Variants in ROBO2 observed in about 807,000 individuals in gnomAD.
The protein encoded by ROBO2 is roundabout guidance receptor 2.
A neutral mutation model predicts 160.8 loss-of-function variants in ROBO2; 53 were observed. That is an observed-to-expected ratio of 0.33 (90% CI 0.26 to 0.41). The LOEUF (loss-of-function observed/expected upper bound fraction) is 0.41, where lower values mean the gene tolerates loss of function less well. Among genes scored for constraint, ROBO2 ranks in the 10% least tolerant of loss-of-function variants. ROBO2 has a pLI of 1.00. For missense variants in ROBO2, 1,577 were observed against 1,722.4 expected (o/e 0.92, Z 1.49); for synonymous variants, 664 against 611.7 (o/e 1.09, Z -1.26).
chr3:77,644,838 G>A (rs1235473067), exon 25 of ROBO2: 1 of 1,614,006 alleles, frequency 6.2e-7, no homozygotes, highest in Non-Finnish European at 8.5e-7. Flanking sequence ...CCAGCGCAAT[G>A]CCAGCGACCT....
chr3:77,390,463 A>G (rs77853355), intron 2 of ROBO2, among the ~76,000 whole-genome samples: 1 of 152,042 alleles, frequency 6.6e-6, no homozygotes, highest in Non-Finnish European at 1.5e-5. Flanking sequence ...GATAGTGAAT[A>G]AGTCTGATGA....
chr3:77,339,199 A>C (rs1308302230), intron 2 of ROBO2, among the ~76,000 whole-genome samples: 5 of 151,908 alleles, frequency 3.3e-5, no homozygotes, highest in Admixed American at 2.6e-4. Flanking sequence ...TTAATCATAG[A>C]TATATATATT....
At chr3:77,387,688 C>A (rs1402556420) in intron 2 of ROBO2, among the ~76,000 whole-genome samples, 1 of 152,008 alleles carries the variant, frequency 6.6e-6, no homozygotes, top group African/African-American at 2.4e-5. Context: ...ATCCGCCTTT[C>A]CTTTTGTTCC....
In ROBO2 at chr3:76,698,385, T is replaced by C. The variant is rs1004504355; in HGVS notation, c.110-399629T>C. ...AGTGAGGATAGTGACAGTGGTGTGT[T>C]TGGTAAATGTTTAATAGCTGGTCTC... is the stretch of plus-strand genomic sequence containing the variant. On this transcript the variant is annotated intron_variant, in intron 2 of 26. Coordinates refer to the ROBO2 transcript ENST00000487694. 3.3e-5 allele frequency among the ~76,000 whole-genome samples: 5 copies of C among 152,122 alleles called. No individual in the cohort carries two copies. The South Asian group carries it at 1.0e-3, about 32-fold the overall frequency.
chr3:77,644,593 A>G (rs2095392465), intron 24 of ROBO2, 111 bp from the exon 27 acceptor site: 14 of 939,618 alleles, frequency 1.5e-5, no homozygotes, highest in Non-Finnish European at 2.3e-5. Context: ...TAATTTTATT[A>G]AAGAATGAAA....
chr3:76,922,845 A>G (rs1244428315), intron 2 of ROBO2, among the ~76,000 whole-genome samples: 1 of 152,198 alleles, frequency 6.6e-6, no homozygotes, highest in East Asian at 1.9e-4. Flanking sequence ...CTTAGAAGCC[A>G]TGTATTGTTC....
chr3:77,179,215 C>T (rs535699695), intron 2 of ROBO2, among the ~76,000 whole-genome samples: 18 of 151,422 alleles, frequency 1.2e-4, no homozygotes, highest in East Asian at 9.8e-4. Context: ...GCCCTTCACG[C>T]GCTTAATAAT....
intron 2 of ROBO2, among the ~76,000 whole-genome samples, chr3:76,712,403 G>T (rs2093311530): frequency 6.6e-6 from 1 of 152,000 alleles, no homozygotes; most frequent in South Asian, 2.1e-4. Context: ...GGCCAGGCAT[G>T]GTGGCTCACA....
Position 76,028,090 on chromosome 3 carries a change from G to A in ROBO2, c.109+90488G>A, listed in dbSNP as rs961409309. ...AAGTTAGCTTTTAGATGGATGAAAT[G>A]TTCTTTCTTAGCTATGATTTTATTA... On this transcript the variant is annotated intron_variant, in intron 2 of 26. Transcript: ENST00000487694. Among the ~76,000 whole-genome samples the A allele has an allele frequency of 1.1e-4, 16 of 151,896 alleles. 1 individual carries two copies. The South Asian group carries it at 1.9e-3, about 18-fold the overall frequency.
intron 2 of ROBO2, among the ~76,000 whole-genome samples, chr3:76,318,914 A>C (rs997542787): frequency 6.6e-6 from 1 of 152,182 alleles, no homozygotes; most frequent in African/African-American, 2.4e-5. Context: ...GCCCAAGTCA[A>C]CTGAAGATTA....
chr3:77,134,552 C>T (rs2076121656), intron 2 of ROBO2, among the ~76,000 whole-genome samples: 1 of 152,156 alleles, frequency 6.6e-6, no homozygotes, highest in African/African-American at 2.4e-5. Context: ...AGTGTTGGCA[C>T]AGACACAGGC....
chr3:77,241,665 G>C (rs746778136), intron 2 of ROBO2, among the ~76,000 whole-genome samples: 1 of 152,114 alleles, frequency 6.6e-6, no homozygotes, highest in Non-Finnish European at 1.5e-5. Context: ...GAGAAAATTC[G>C]GGTGCAGACA....
At chr3:76,017,774 G>T (rs2066447247) in intron 2 of ROBO2, among the ~76,000 whole-genome samples, 1 of 151,978 alleles carries the variant, frequency 6.6e-6, no homozygotes, top group African/African-American at 2.4e-5. Flanking sequence ...ATAAAACATT[G>T]TCTTAAGTTC....
intron 2 of ROBO2, among the ~76,000 whole-genome samples, chr3:76,518,202 A>T (rs1265938650): frequency 1.3e-5 from 2 of 152,194 alleles, no homozygotes; most frequent in Non-Finnish European, 2.9e-5. Context: ...CACAAGAGGC[A>T]TGGAAGCGCA....
At chr3:76,995,976 T>C (rs1229635452) in intron 2 of ROBO2, among the ~76,000 whole-genome samples, 1 of 152,212 alleles carries the variant, frequency 6.6e-6, no homozygotes, top group Non-Finnish European at 1.5e-5. Flanking sequence ...TCTGTCAATT[T>C]TGGCTTTTGT....
chr3:76,366,210 C>T (rs1417090345), intron 2 of ROBO2, among the ~76,000 whole-genome samples: 1 of 152,042 alleles, frequency 6.6e-6, no homozygotes, highest in Non-Finnish European at 1.5e-5. Flanking sequence ...GAGAGATTTT[C>T]CCTGATTAAA....
At chr3:76,431,275 C>T (rs931434515) in intron 2 of ROBO2, among the ~76,000 whole-genome samples, 1 of 151,940 alleles carries the variant, frequency 6.6e-6, no homozygotes, top group Non-Finnish European at 1.5e-5. Context: ...ATATCCAACC[C>T]TTAGTAATTA....
intron 2 of ROBO2, among the ~76,000 whole-genome samples, chr3:77,320,747 G>C (rs1486647003): frequency 2.6e-5 from 4 of 152,076 alleles, no homozygotes; most frequent in Non-Finnish European, 5.9e-5. Flanking sequence ...CTTCCCTCTA[G>C]TGGCAAAAAC....
intron 2 of ROBO2, among the ~76,000 whole-genome samples, chr3:76,356,528 G>A (rs2075176137): frequency 6.6e-6 from 1 of 151,422 alleles, no homozygotes; most frequent in Non-Finnish European, 1.5e-5. Context: ...AATACTTCAA[G>A]CAGAATATCT....
Sources: allele counts gnomAD v4.1 joint callset (sites outside exome capture counted in the v4.1 genomes callset), GRCh38; gene constraint gnomAD v4.1.1; transcripts MANE v1.5; gene names NCBI Gene and HGNC (gene_info 2026-07-23, HGNC 2026-07-21).